Variants in EIF4G3 observed in about 807,000 individuals in gnomAD.
The protein encoded by EIF4G3 is eIF-4-gamma 3.
A neutral mutation model predicts 186.4 loss-of-function variants in EIF4G3; 34 were observed. The ratio of observed to expected loss-of-function variants is 0.18; its 90% CI spans 0.14 to 0.24. The LOEUF (loss-of-function observed/expected upper bound fraction) is 0.24. EIF4G3 is among the 10% of genes least tolerant of loss of function. The probability of loss-of-function intolerance (pLI) is 1.00; values close to 1 mark genes in which losing one functional copy is unlikely to be tolerated. For synonymous variants in EIF4G3, 673 were observed against 679.5 expected, an observed-to-expected ratio of 0.99 and a Z score of 0.15; for missense variants, 1,536 against 1,948.5, an observed-to-expected ratio of 0.79 and a Z score of 3.99.
intron 30 of EIF4G3, among the ~76,000 whole-genome samples, chr1:20,838,995 T>C (rs1237623952): frequency 1.3e-5 from 2 of 152,080 alleles, no homozygotes; most frequent in African/African-American, 4.8e-5. Context: ...AACTTCTTTT[T>C]TGAGAGGGAG....
chr1:20,839,131 C>T (rs962381921), intron 30 of EIF4G3, among the ~76,000 whole-genome samples: 4 of 152,144 alleles, frequency 2.6e-5, no homozygotes, highest in South Asian at 4.2e-4. Flanking sequence ...GTGCGTGCCA[C>T]CACGCCCGGC....
chr1:20,839,422 TA>T (rs2067771868), intron 30 of EIF4G3, among the ~76,000 whole-genome samples: 1 of 152,182 alleles, frequency 6.6e-6, no homozygotes, highest in African/African-American at 2.4e-5. Flanking sequence ...GAAAACTTTT[TA>T]ATGGTCCTAG....
At chr1:21,032,105 C>T (rs1165291140) in intron 4 of EIF4G3, among the ~76,000 whole-genome samples, 1 of 152,146 alleles carries the variant, frequency 6.6e-6, no homozygotes, top group Non-Finnish European at 1.5e-5. Flanking sequence ...ATCCTATTTA[C>T]CAAAATAAAC....
intron 12 of EIF4G3, among the ~76,000 whole-genome samples, chr1:20,954,302 C>T (rs149384475): frequency 6.6e-6 from 1 of 152,072 alleles, no homozygotes; most frequent in Non-Finnish European, 1.5e-5. Flanking sequence ...CTTTGGGAGG[C>T]CAAGGCGGGT....
rs575924377 is a variant in EIF4G3, at chr1:21,044,346, T to C, written c.-67+6520A>G. 2.6e-5 allele frequency among the ~76,000 whole-genome samples: 4 copies of C among 152,340 alleles called. No homozygotes were observed. The South Asian group carries it at 8.3e-4, about 32-fold the overall frequency. ...ATTCATATTTATATTTGTGATATGC[T>C]AAAGAATCCTGGTAAGCTCAAATAC... is the stretch of plus-strand genomic sequence containing the variant. On this transcript the variant is annotated intron_variant, in intron 4 of 36. Transcript: ENST00000602326.
Position 21,164,655 on chromosome 1 carries a change from T to C in EIF4G3, c.-272+11520A>G, listed in dbSNP as rs1359559863. ...TAGGCAGATCACTTGAGCCCAGGAG[T>C]TGGAGACCAGCCTGGGCAACATGGT... On this transcript the variant is annotated intron_variant, in intron 2 of 36. Transcript: ENST00000602326. Among the ~76,000 whole-genome samples the C allele has an allele frequency of 4.0e-5, 6 of 151,842 alleles. No individual in the cohort carries two copies. In the East Asian group the frequency reaches 9.6e-4, roughly 24 times the overall value.
chr1:20,969,651 T>G, intron 11 of EIF4G3, 55 bp from the exon 12 acceptor site: 1 of 1,571,494 alleles, frequency 6.4e-7, no homozygotes, highest in Non-Finnish European at 8.7e-7. Context: ...GTAGCAAATT[T>G]ATAGGCATAT....
chr1:20,991,457 A>G (rs780134885), intron 7 of EIF4G3, among the ~76,000 whole-genome samples: 3 of 152,190 alleles, frequency 2.0e-5, no homozygotes, highest in Non-Finnish European at 4.4e-5. Context: ...AGTTCCAGCT[A>G]CTCAGGAGGC....
chr1:21,038,676 C>A (rs928643009), intron 4 of EIF4G3, among the ~76,000 whole-genome samples: 2 of 152,182 alleles, frequency 1.3e-5, no homozygotes, highest in African/African-American at 4.8e-5. Context: ...CTCTCTGTTT[C>A]TCTTAGAACT....
chr1:21,063,474 G>A (rs570946154), intron 3 of EIF4G3, among the ~76,000 whole-genome samples: 4 of 152,222 alleles, frequency 2.6e-5, no homozygotes, highest in African/African-American at 9.6e-5. Context: ...ACTCATTAGA[G>A]AACAAGTAAA....
At chr1:21,146,825 A>G (rs1573313954) in intron 2 of EIF4G3, among the ~76,000 whole-genome samples, 5 of 152,350 alleles carry the variant, frequency 3.3e-5, no homozygotes, top group Admixed American at 3.3e-4. Flanking sequence ...CTGGAATAAG[A>G]AAAATTAATA....
At chr1:21,079,095 CTTTAG>C in intron 3 of EIF4G3, among the ~76,000 whole-genome samples, 1 of 152,098 alleles carries the variant, frequency 6.6e-6, no homozygotes, top group Middle Eastern at 3.2e-3. Context: ...ATAAATAAAT[CTTTAG>C]TTTAAATGAT....
At chr1:21,014,954 A>T (rs1255687909) in intron 4 of EIF4G3, among the ~76,000 whole-genome samples, 1 of 151,976 alleles carries the variant, frequency 6.6e-6, no homozygotes, top group Non-Finnish European at 1.5e-5. Context: ...AGACTTTTAA[A>T]CTGTCCTAAA....
intron 4 of EIF4G3, among the ~76,000 whole-genome samples, chr1:21,005,546 T>C (rs1242450092): frequency 3.3e-5 from 5 of 152,190 alleles, no homozygotes; most frequent in Admixed American, 6.5e-5. Flanking sequence ...TGTATTTCAT[T>C]GAAGATGCTA....
chr1:20,996,004 T>A (rs1023119395), intron 7 of EIF4G3, among the ~76,000 whole-genome samples: 1 of 152,188 alleles, frequency 6.6e-6, no homozygotes, highest in Non-Finnish European at 1.5e-5. Flanking sequence ...TTTAGGAGTA[T>A]TTGCCTTGTC....
chr1:20,842,401 C>G (rs1356266813), intron 29 of EIF4G3, among the ~76,000 whole-genome samples: 1 of 152,174 alleles, frequency 6.6e-6, no homozygotes, highest in Non-Finnish European at 1.5e-5. Flanking sequence ...GAGTTTCACT[C>G]TTGTTGCCCA....
At chr1:20,889,438 G>A (rs2085244473) in intron 18 of EIF4G3, among the ~76,000 whole-genome samples, 1 of 152,142 alleles carries the variant, frequency 6.6e-6, no homozygotes, top group African/African-American at 2.4e-5. Context: ...TATATTTTTT[G>A]GAGTGCTTTC....
chr1:21,140,336 C>CA (rs1174995875), intron 2 of EIF4G3, among the ~76,000 whole-genome samples: 3 of 151,924 alleles, frequency 2.0e-5, no homozygotes, highest in African/African-American at 7.3e-5. Context: ...TTTTTTGAGA[C>CA]AGAGTCTTGC....
chr1:21,058,181 C>A (rs2094658038), intron 3 of EIF4G3, among the ~76,000 whole-genome samples: 3 of 152,116 alleles, frequency 2.0e-5, no homozygotes, highest in Admixed American at 6.5e-5. Flanking sequence ...AAGAGAAATA[C>A]CCCCTGGAGG....
Sources: allele counts gnomAD v4.1 joint callset (sites outside exome capture counted in the v4.1 genomes callset), GRCh38; gene constraint gnomAD v4.1.1; transcripts MANE v1.5; gene names NCBI Gene and HGNC (gene_info 2026-07-23, HGNC 2026-07-21).